Variants in SMYD5 observed in about 807,000 individuals in gnomAD.
The protein encoded by SMYD5 is protein-lysine N-trimethyltransferase SMYD5.
Under a neutral mutation model 57.4 loss-of-function variants are expected in SMYD5, and 35 were observed. The ratio of observed to expected loss-of-function variants is 0.61; its 90% CI spans 0.47 to 0.81. SMYD5 has a LOEUF of 0.81. SMYD5 is among the 30% of genes least tolerant of loss of function. SMYD5 has a pLI of 0.00. For missense variants in SMYD5, 471 were observed against 527.9 expected (o/e 0.89, Z 1.06); for synonymous variants, 198 against 189.7 (o/e 1.04, Z -0.36).
chr2:73,223,053 A>T lies in SMYD5; in HGVS notation c.723A>T (p.Gly241=). Reference sequence around the variant, plus strand: ...CCCCACAGTGGTTCACTCCAGATGGATTCCGGTCTCTCTTTGCTCTTGTTG... The same window carrying T: ...CCCCACAGTGGTTCACTCCAGATGGTTTCCGGTCTCTCTTTGCTCTTGTTG... ...EAVSQWFTPD[G]FRSLFALVGT... The change falls in exon 8 of 13, where the codon GGA becomes GGT. Residue 241 remains glycine, a synonymous_variant. Coordinates refer to ENST00000389501, the MANE Select transcript of SMYD5 (RefSeq NM_006062.3). The T allele has an allele frequency of 6.2e-7, 1 of 1,614,180 alleles. No individual in the cohort carries two copies. The highest frequency in any genetic ancestry group is 8.5e-7 in the Non-Finnish European group (1 of 1,179,986).
In SMYD5 at chr2:73,219,014, C is replaced by T. The variant is rs148227562; in HGVS notation, c.205+45C>T. The T allele has an allele frequency of 8.1e-3, 11,309 of 1,396,064 alleles. 77 individuals carry two copies. Among genetic ancestry groups the T allele is most frequent in the Non-Finnish European group, 9.0e-3 (8,842 of 981,070 alleles). The allele number at this position is 1,396,064 out of a possible 1,614,324, so 86.5% of individuals were successfully genotyped here. On this transcript the variant is annotated intron_variant, in intron 2 of 12. Transcript: ENST00000389501. ...TCCTCATGGCCCAGTCGTCTTTGTG[C>T]ATGGAAGTGAGCTGCATACATCCCT...
chr2:73,214,430 T>C, intron 1 of SMYD5, 68 bp downstream of exon 1: 11 of 1,607,976 alleles, frequency 6.8e-6, no homozygotes, highest in Non-Finnish European at 9.3e-6. Context: ...CCGGCCGGAC[T>C]CCATGCCCGG....
chr2:73,214,473 C>T, intron 1 of SMYD5, 111 bp downstream of exon 1: 7 of 1,538,344 alleles, frequency 4.6e-6, no homozygotes, highest in Non-Finnish European at 6.1e-6. Context: ...TCGGACGCTA[C>T]GGCCCTGCCC....
In SMYD5 at chr2:73,214,868, G is replaced by A. The variant is rs1686264385; in HGVS notation, c.96+506G>A. 2.6e-5 allele frequency: 32 copies of A among 1,252,064 alleles called. No individual in the cohort carries two copies. In the South Asian group the frequency reaches 3.6e-4, roughly 14 times the overall value. The allele number at this position is 1,252,064 out of a possible 1,614,324, so 77.6% of individuals were successfully genotyped here. A position where few individuals can be genotyped will look rare whatever the true frequency, so the allele number is the denominator to read the frequency against. Reference sequence around the variant, plus strand: ...GGAGAGTTTTTAGCAGGAAGGTGACGTGATTTTGTCGTTTTTATTGTGTTC... The same window carrying A: ...GGAGAGTTTTTAGCAGGAAGGTGACATGATTTTGTCGTTTTTATTGTGTTC... On this transcript the variant is annotated intron_variant, in intron 1 of 12. Coordinates refer to ENST00000389501, the MANE Select transcript of SMYD5 (RefSeq NM_006062.3).
At chr2:73,214,461 G>C (rs1443648053) in intron 1 of SMYD5, 99 bp downstream of exon 1, 5 of 1,579,678 alleles carry the variant, frequency 3.2e-6, no homozygotes, top group South Asian at 1.2e-5. Flanking sequence ...CTTCTGTGCC[G>C]CTCGGACGCT....
At chr2:73,215,792 A>T (rs1057115393) in intron 1 of SMYD5, among the ~76,000 whole-genome samples, 1 of 152,180 alleles carries the variant, frequency 6.6e-6, no homozygotes, top group Non-Finnish European at 1.5e-5. Flanking sequence ...CTGCTGGAGA[A>T]AATAACATAC....
Position 73,221,923 on chromosome 2 carries a change from A to C in SMYD5, c.635A>C (p.Lys212Thr), listed in dbSNP as rs1417326327. Residue 212 changes from lysine (K) to threonine (T), a missense_variant, in exon 6 of 13, where the codon AAA (lysine) becomes ACA (threonine). Transcript: ENST00000389501. ...ATTGTCCATAAACTTCTGGGAGACAAATTCAAGGTTATTATTCTCCCGTGG... is the reference window on the plus strand; with the variant it reads ...ATTGTCCATAAACTTCTGGGAGACACATTCAAGGTTATTATTCTCCCGTGG... ...EEIVHKLLGD[K>T]FKGQLELLRR... The C allele has an allele frequency of 1.9e-6, 3 of 1,600,696 alleles. 1 individual carries two copies. Among genetic ancestry groups the C allele is most frequent in the Middle Eastern group, 3.3e-4 (2 of 6,044 alleles).
In SMYD5 at chr2:73,214,300, T is replaced by A; in HGVS notation, c.34T>A (p.Cys12Ser). Residue 12 changes from cysteine (C) to serine (S), a missense_variant, in exon 1 of 13, where the codon TGC (cysteine) becomes AGC (serine). By Grantham distance (112) the Cys-to-Ser change is moderately radical. Coordinates refer to ENST00000389501, the MANE Select transcript of SMYD5 (RefSeq NM_006062.3). ...AASMCDVFSF[C>S]VGVAGRARVS... The stretch of plus-strand genomic sequence containing the variant: ...CTCCATGTGCGACGTGTTCTCCTTC[T>A]GCGTGGGCGTGGCGGGCCGCGCGCG... 1 of 1,613,710 alleles carries A rather than the reference T, an allele frequency of 6.2e-7. No individual in the cohort carries two copies. The highest frequency in any genetic ancestry group is 1.1e-5 in the South Asian group (1 of 91,050).
At chr2:73,214,510 C>G (rs541475351) in intron 1 of SMYD5, 148 bp downstream of exon 1, 4 of 1,488,948 alleles carry the variant, frequency 2.7e-6, no homozygotes, top group Non-Finnish European at 3.6e-6. Flanking sequence ...GGCTCCCAGT[C>G]TGTCCCTGCG....
At chr2:73,221,307 C>T (rs1686388873) in intron 5 of SMYD5, 73 bp downstream of exon 5, 1 of 1,207,108 alleles carries the variant, frequency 8.3e-7, no homozygotes, top group East Asian at 2.3e-5. Flanking sequence ...CTTTTCCTCA[C>T]CTCAAAGCCC....
chr2:73,223,930 G>C lies in SMYD5; in HGVS notation c.884-17G>C, dbSNP rs756946111. The C allele has an allele frequency of 2.5e-6, 4 of 1,611,810 alleles. No homozygotes were observed. The highest frequency in any genetic ancestry group is 3.4e-6 in the Non-Finnish European group (4 of 1,177,864). The stretch of plus-strand genomic sequence containing the variant: ...TAAAAATGGGTAGAATAATGTGTGT[G>C]TATTACTGTCTTACAGCAACTGGAG... On this transcript the variant is annotated splice_polypyrimidine_tract_variant and intron_variant, in intron 9 of 12. Coordinates refer to ENST00000389501, the MANE Select transcript of SMYD5 (RefSeq NM_006062.3).
At position 73,214,718 on chromosome 2, in the gene SMYD5, G is replaced by C. The variant is rs117409642; in HGVS notation, c.96+356G>C. The C allele has an allele frequency of 8.4e-5, 113 of 1,352,058 alleles. 1 individual carries two copies. In the East Asian group the frequency reaches 4.9e-3, roughly 58 times the overall value. The allele number at this position is 1,352,058 out of a possible 1,614,324, so 83.8% of individuals were successfully genotyped here. ...AGAGAGAACTGAGGTGTAAAAGAGG[G>C]AGTCCTCACGAACTTCATGTGTGAG... is the stretch of plus-strand genomic sequence containing the variant. On this transcript the variant is annotated intron_variant, in intron 1 of 12. Coordinates refer to ENST00000389501, the MANE Select transcript of SMYD5 (RefSeq NM_006062.3).
intron 8 of SMYD5, 130 bp downstream of exon 8, chr2:73,223,236 G>A: frequency 1.1e-6 from 1 of 886,018 alleles, no homozygotes. Flanking sequence ...GGACACAGTG[G>A]TGGGAATCAG....
At chr2:73,225,588 TA>T in intron 11 of SMYD5, 42 bp from the exon 12 acceptor site, 2 of 1,583,622 alleles carry the variant, frequency 1.3e-6, no homozygotes, top group South Asian at 2.2e-5. Flanking sequence ...TTATGCCATT[TA>T]AAAGAGCACA....
rs1686485560 is a variant in SMYD5 at position 73,225,617 on chromosome 2, T to C, written c.1036-14T>C. On this transcript the variant is annotated splice_polypyrimidine_tract_variant and intron_variant, in intron 11 of 12. Transcript: ENST00000389501. ...AGAGCACAGACCATCAGACTGCACT[T>C]CTCTGCCCTACAGGAAATTTGTATC... 1.2e-6 allele frequency: 2 copies of C among 1,613,656 alleles called. No homozygotes were observed. Among genetic ancestry groups the C allele is most frequent in the African/African-American group, 2.7e-5 (2 of 75,044 alleles).
intron 3 of SMYD5, among the ~76,000 whole-genome samples, 186 bp downstream of exon 3, chr2:73,220,376 TCTGGAAAATGGGCTTGGTGGGAG>T (rs1311596301): frequency 1.4e-4 from 21 of 152,080 alleles, no homozygotes; most frequent in Admixed American, 5.9e-4. Context: ...AGTTACATTG[TCTGGAAAATGGGCTTGGTGGGAG>T]CTGGAAAATG....
At chr2:73,223,683 GCACACAGGT>G in intron 9 of SMYD5, 151 bp downstream of exon 9, 1 of 684,738 alleles carries the variant, frequency 1.5e-6, no homozygotes, top group Non-Finnish European at 2.6e-6. Context: ...TGTCCACAGG[GCACACAGGT>G]GAGAAACAGC....
intron 7 of SMYD5, 85 bp downstream of exon 7, chr2:73,222,902 A>G (rs1686422883): frequency 1.3e-6 from 2 of 1,522,932 alleles, no homozygotes; most frequent in East Asian, 2.2e-5. Context: ...CTACTGGGAC[A>G]GCTGAGCCAA....
At chr2:73,225,557 G>T in intron 11 of SMYD5, 74 bp from the exon 12 acceptor site, 2 of 1,353,040 alleles carry the variant, frequency 1.5e-6, no homozygotes, top group South Asian at 2.5e-5. Flanking sequence ...GTTGGAGATA[G>T]GGTAGCTGTT....
Sources: gnomAD v4.1 joint callset for allele counts (sites outside exome capture counted in the v4.1 genomes callset) on GRCh38, gnomAD v4.1.1 for gene constraint, MANE v1.5 for transcripts, NCBI Gene and HGNC (gene_info 2026-07-23, HGNC 2026-07-21) for gene names.